The following UVRAG variants were observed in gnomAD, a reference collection of about 807,000 sequenced individuals.
UVRAG encodes the protein UV radiation resistance-associated gene protein.
Under a neutral mutation model 78.0 loss-of-function variants are expected in UVRAG, and 19 were observed. The ratio of observed to expected loss-of-function variants is 0.24; its 90% CI spans 0.17 to 0.36. The LOEUF (loss-of-function observed/expected upper bound fraction) is 0.36, where lower values mean the gene tolerates loss of function less well. Among genes scored for constraint, UVRAG ranks in the 10% least tolerant of loss-of-function variants. UVRAG has a pLI of 1.00. For synonymous variants in UVRAG, 323 were observed against 324.6 expected, an observed-to-expected ratio of 1.00 and a Z score of 0.05; for missense variants, 740 against 853.8, an observed-to-expected ratio of 0.87 and a Z score of 1.66.
intron 8 of UVRAG, among the ~76,000 whole-genome samples, chr11:75,985,404 T>C (rs1949480276): frequency 6.6e-6 from 1 of 151,952 alleles, no homozygotes; most frequent in South Asian, 2.1e-4. Flanking sequence ...AAAAGTTTGG[T>C]TTGACTGTCT....
chr11:75,842,014 G>A (rs1315281434), intron 1 of UVRAG, among the ~76,000 whole-genome samples: 2 of 152,160 alleles, frequency 1.3e-5, no homozygotes, highest in Non-Finnish European at 2.9e-5. Context: ...TACATGTCTG[G>A]CTGCCTGCTG....
At chr11:76,041,719 A>G (rs1950651448) in intron 12 of UVRAG, among the ~76,000 whole-genome samples, 1 of 152,262 alleles carries the variant, frequency 6.6e-6, no homozygotes, top group Non-Finnish European at 1.5e-5. Flanking sequence ...GTCTTCTGGT[A>G]AATACTTCCA....
At chr11:75,877,631 G>A (rs1181395458) in intron 3 of UVRAG, among the ~76,000 whole-genome samples, 3 of 136,664 alleles carry the variant, frequency 2.2e-5, no homozygotes, top group South Asian at 2.4e-4. Context: ...CCTCCCTCCC[G>A]GACGGAGCGG....
chr11:76,053,675 A>G (rs1158687606), intron 12 of UVRAG, among the ~76,000 whole-genome samples: 1 of 152,158 alleles, frequency 6.6e-6, no homozygotes, highest in East Asian at 1.9e-4. Flanking sequence ...TGCTTTAAAA[A>G]GTTATTATCC....
intron 14 of UVRAG, among the ~76,000 whole-genome samples, chr11:76,134,744 T>C (rs1952571515): frequency 1.3e-5 from 2 of 152,236 alleles, no homozygotes; most frequent in African/African-American, 2.4e-5. Flanking sequence ...CTAGTGTCTA[T>C]GCCAGGCATC....
Position 75,950,999 on chromosome 11 carries a change from C to CACAT in UVRAG, c.594-10442_594-10441insTACA, listed in dbSNP as rs1565395269. On this transcript the variant is annotated intron_variant, in intron 6 of 14. Coordinates refer to ENST00000356136, the MANE Select transcript of UVRAG (RefSeq NM_003369.4). ...ACACACACACACACACACACACACA[C>CACAT]ACACATATCCCAAGTGTTTTTTTCT... 2.6e-5 allele frequency among the ~76,000 whole-genome samples: 4 copies of CACAT among 151,432 alleles called. No individual in the cohort carries two copies. The South Asian group carries it at 8.3e-4, about 32-fold the overall frequency.
At chr11:75,861,711 C>T (rs375863697) in intron 2 of UVRAG, 35 bp from the exon 3 acceptor site, 19 of 1,517,960 alleles carry the variant, frequency 1.3e-5, no homozygotes, top group Non-Finnish European at 1.5e-5. Flanking sequence ...TATTTTCTTT[C>T]ATATCACTTA....
At chr11:76,022,586 G>T (rs1384457025) in intron 12 of UVRAG, among the ~76,000 whole-genome samples, 1 of 152,088 alleles carries the variant, frequency 6.6e-6, no homozygotes, top group Non-Finnish European at 1.5e-5. Context: ...ATATTAGTAT[G>T]ACCACCCCAG....
rs1172902911 is a variant in UVRAG, at chr11:76,141,442, C to T, written c.*29C>T. 2 of 1,590,182 alleles carry T rather than the reference C, an allele frequency of 1.3e-6. No individual in the cohort carries two copies. The highest frequency in any genetic ancestry group is 1.7e-6 in the Non-Finnish European group (2 of 1,166,796). On this transcript the variant is annotated 3_prime_UTR_variant, in exon 15 of 15. Coordinates refer to ENST00000356136, the MANE Select transcript of UVRAG (RefSeq NM_003369.4). The stretch of plus-strand genomic sequence containing the variant: ...GAGCAGGTCAACAGTAGGACTGGGG[C>T]AGAAGCTCTGCCTAAAATGAAGTGA...
At chr11:76,083,161 T>C (rs1034931934) in intron 13 of UVRAG, among the ~76,000 whole-genome samples, 21 of 152,254 alleles carry the variant, frequency 1.4e-4, no homozygotes, top group African/African-American at 4.8e-4. Flanking sequence ...GCAAAGAGTG[T>C]CTTATTCTTT....
intron 4 of UVRAG, among the ~76,000 whole-genome samples, chr11:75,886,106 TC>T (rs1241360555): frequency 2.0e-5 from 3 of 152,130 alleles, no homozygotes; most frequent in Non-Finnish European, 4.4e-5. Flanking sequence ...TCTGAAGAGT[TC>T]CTTAAGAAAC....
rs570353981 is a variant in UVRAG, at chr11:75,881,125, T to C, written c.432+1085T>C. Among the ~76,000 whole-genome samples the C allele has an allele frequency of 2.8e-4, 42 of 152,022 alleles. No homozygotes were observed. In the East Asian group the frequency reaches 7.4e-3, roughly 27 times the overall value. Reference sequence around the variant, plus strand: ...CTGGGACTACAGGCAGGCGCCATCATGCCCAGCTAATTTTTATTTTTATTT... The same window carrying C: ...CTGGGACTACAGGCAGGCGCCATCACGCCCAGCTAATTTTTATTTTTATTT... On this transcript the variant is annotated intron_variant, in intron 4 of 14. Transcript: ENST00000356136.
At chr11:75,840,581 C>T (rs555408675) in intron 1 of UVRAG, among the ~76,000 whole-genome samples, 2 of 152,268 alleles carry the variant, frequency 1.3e-5, no homozygotes, top group South Asian at 4.1e-4. Flanking sequence ...TAAATGACTG[C>T]ATTAAATTCA....
At chr11:76,044,935 C>T (rs149898325) in intron 12 of UVRAG, among the ~76,000 whole-genome samples, 278 of 152,196 alleles carry the variant, frequency 1.8e-3, no homozygotes, top group African/African-American at 6.5e-3. Flanking sequence ...AAATGAAAAT[C>T]TAAGAGCTCG....
chr11:76,003,462 C>G (rs901838047), intron 8 of UVRAG, among the ~76,000 whole-genome samples: 3 of 151,778 alleles, frequency 2.0e-5, no homozygotes, highest in Non-Finnish European at 2.9e-5. Flanking sequence ...CTCAAGTGAT[C>G]TGCCAGCCTT....
chr11:76,116,252 G>A (rs562881208), intron 14 of UVRAG, among the ~76,000 whole-genome samples: 1 of 152,320 alleles, frequency 6.6e-6, no homozygotes, highest in African/African-American at 2.4e-5. Flanking sequence ...ACTTTGGGAA[G>A]GTGGCTGAGC....
chr11:76,095,351 T>C (rs1033844430), intron 13 of UVRAG, among the ~76,000 whole-genome samples: 1 of 152,162 alleles, frequency 6.6e-6, no homozygotes, highest in African/African-American at 2.4e-5. Context: ...CTGCTAAATT[T>C]GTTACCACTT....
At chr11:76,131,436 C>G (rs1184672886) in intron 14 of UVRAG, among the ~76,000 whole-genome samples, 1 of 152,200 alleles carries the variant, frequency 6.6e-6, no homozygotes, top group African/African-American at 2.4e-5. Context: ...GCCTGGTGAA[C>G]TGGATTTCTT....
chr11:76,093,538 C>G (rs1332192280), intron 13 of UVRAG, among the ~76,000 whole-genome samples: 1 of 152,136 alleles, frequency 6.6e-6, no homozygotes, highest in African/African-American at 2.4e-5. Context: ...TTTAATTGAG[C>G]AATGGTTTGT....
Sources: gnomAD v4.1 joint callset for allele counts (sites outside exome capture counted in the v4.1 genomes callset) on GRCh38, gnomAD v4.1.1 for gene constraint, MANE v1.5 for transcripts, NCBI Gene and HGNC (gene_info 2026-07-23, HGNC 2026-07-21) for gene names.